The following OPCML variants were observed in gnomAD, a reference collection of about 807,000 sequenced individuals.
OPCML encodes the protein opioid-binding protein/cell adhesion molecule.
Under a neutral mutation model 37.8 loss-of-function variants are expected in OPCML, and 13 were observed. The ratio of observed to expected loss-of-function variants is 0.34; its 90% CI spans 0.22 to 0.55. The LOEUF (loss-of-function observed/expected upper bound fraction) is 0.55. Among genes scored for constraint, OPCML ranks in the 20% least tolerant of loss-of-function variants. The probability of loss-of-function intolerance (pLI) is 0.91; values close to 1 mark genes in which losing one functional copy is unlikely to be tolerated. For synonymous variants in OPCML, 176 were observed against 168.8 expected, an observed-to-expected ratio of 1.04 and a Z score of -0.33; for missense variants, 341 against 435.6, an observed-to-expected ratio of 0.78 and a Z score of 1.93.
rs571475463 is a variant in OPCML at position 133,287,126 on chromosome 11, TG to T, written c.61+245137del. Among the ~76,000 whole-genome samples the T allele has an allele frequency of 1.5e-3, 230 of 152,304 alleles. 2 individuals are homozygous for T. Among genetic ancestry groups the T allele is most frequent in the African/African-American group, 5.3e-3 (219 of 41,564 alleles). ...CTGCAGAAATGTAATATCAACCATA[TG>T]GCTCATTTTTTTGCCATACATATAA... On this transcript the variant is annotated intron_variant, in intron 1 of 7. Coordinates refer to ENST00000524381, the MANE Select transcript of OPCML (RefSeq NM_001012393.5).
intron 4 of OPCML, among the ~76,000 whole-genome samples, chr11:132,504,762 G>T (rs1054023287): frequency 6.6e-6 from 1 of 152,094 alleles, no homozygotes; most frequent in Admixed American, 6.6e-5. Flanking sequence ...TTATGACTTG[G>T]CTGGGGAGCC....
intron 1 of OPCML, among the ~76,000 whole-genome samples, chr11:133,419,866 G>A (rs1310726243): frequency 1.3e-5 from 2 of 152,168 alleles, no homozygotes; most frequent in Non-Finnish European, 2.9e-5. Context: ...ATCTAATTCA[G>A]CAAAGAAGTT....
At position 132,845,668 on chromosome 11, in the gene OPCML, G is replaced by A. The variant is rs748610921; in HGVS notation, c.146+97258C>T. Among the ~76,000 whole-genome samples, 110 of 152,054 alleles carry A rather than the reference G, an allele frequency of 7.2e-4. 1 individual carries two copies. Among genetic ancestry groups the A allele is most frequent in the Non-Finnish European group, 1.1e-3 (74 of 68,006 alleles). On this transcript the variant is annotated intron_variant, in intron 2 of 7. Transcript: ENST00000524381. ...CTGTCTCCCAGGTTTCTGTCTATTC[G>A]CATTCAACACAGCTTTCCTGAAACT... is the stretch of plus-strand genomic sequence containing the variant.
At chr11:133,475,308 C>T (rs1389768335) in intron 1 of OPCML, among the ~76,000 whole-genome samples, 2 of 151,902 alleles carry the variant, frequency 1.3e-5, no homozygotes, top group African/African-American at 4.8e-5. Context: ...GATGCAAATG[C>T]AACAAACAGT....
At chr11:133,425,592 T>G (rs1254311811) in intron 1 of OPCML, among the ~76,000 whole-genome samples, 1 of 152,176 alleles carries the variant, frequency 6.6e-6, no homozygotes, top group Non-Finnish European at 1.5e-5. Context: ...CTTCTATCCT[T>G]ACAACACCCA....
chr11:133,332,362 T>C (rs1943638120), intron 1 of OPCML, among the ~76,000 whole-genome samples: 1 of 152,160 alleles, frequency 6.6e-6, no homozygotes, highest in Non-Finnish European at 1.5e-5. Context: ...GAGAATGATG[T>C]CATCTGGAAC....
intron 1 of OPCML, among the ~76,000 whole-genome samples, chr11:133,272,424 T>C (rs555169997): frequency 2.0e-5 from 3 of 152,260 alleles, no homozygotes; most frequent in African/African-American, 7.2e-5. Flanking sequence ...CAAAGCACTA[T>C]ATTATGAGGC....
intron 3 of OPCML, among the ~76,000 whole-genome samples, chr11:132,593,997 C>A (rs2096488711): frequency 6.6e-6 from 1 of 152,120 alleles, no homozygotes. Flanking sequence ...TATGTCACTG[C>A]AAGCTTAGAA....
At chr11:132,539,493 T>C (rs901255128) in intron 3 of OPCML, among the ~76,000 whole-genome samples, 14 of 152,168 alleles carry the variant, frequency 9.2e-5, no homozygotes, top group Admixed American at 9.2e-4. Context: ...GGGCTATACA[T>C]TAAAATGTTT....
intron 2 of OPCML, among the ~76,000 whole-genome samples, chr11:132,692,231 GGA>G (rs1491533537): frequency 1.1e-5 from 1 of 88,802 alleles, no homozygotes; most frequent in Non-Finnish European, 2.6e-5. Context: ...TGATGCTACA[GGA>G]AAAAAAAAAA....
chr11:132,762,331 T>C (rs896855883), intron 2 of OPCML, among the ~76,000 whole-genome samples: 3 of 152,190 alleles, frequency 2.0e-5, no homozygotes, highest in African/African-American at 4.8e-5. Flanking sequence ...TAGCAGAGCC[T>C]GAGCCCTGTC....
At chr11:132,967,038 G>A (rs1946230682) in intron 1 of OPCML, among the ~76,000 whole-genome samples, 1 of 151,938 alleles carries the variant, frequency 6.6e-6, no homozygotes. Context: ...TACTAGTGAT[G>A]TACTTAGATT....
intron 1 of OPCML, among the ~76,000 whole-genome samples, chr11:132,945,523 G>GA (rs141754110): frequency 0.026 from 3,991 of 152,300 alleles, 169 homozygotes; most frequent in African/African-American, 0.092. Flanking sequence ...AGCGGGTGGG[G>GA]AATGGAGGCC....
intron 1 of OPCML, among the ~76,000 whole-genome samples, chr11:133,446,017 C>G (rs1946467339): frequency 1.3e-5 from 2 of 152,140 alleles, no homozygotes; most frequent in African/African-American, 4.8e-5. Context: ...CCGCCTACCT[C>G]CCTGGGATAG....
chr11:132,804,440 G>A (rs1035505699), intron 2 of OPCML, among the ~76,000 whole-genome samples: 8 of 152,162 alleles, frequency 5.3e-5, no homozygotes, highest in African/African-American at 1.9e-4. Context: ...GTGGCTGAGG[G>A]AGTCCCCCAC....
At position 133,004,118 on chromosome 11, in the gene OPCML, C is replaced by T. The variant is rs1050688052; in HGVS notation, c.62-61108G>A. On this transcript the variant is annotated intron_variant, in intron 1 of 7. Coordinates refer to ENST00000524381, the MANE Select transcript of OPCML (RefSeq NM_001012393.5). ...TTCTAGCTTGGAAGGAAGTTGGACA[C>T]CCACACATCTCAAAAGCGGGAGCAG... 1.0e-5 allele frequency: 10 copies of T among 985,234 alleles called. No individual in the cohort carries two copies. In the African/African-American group the frequency reaches 1.7e-4, roughly 17 times the overall value. The allele number at this position is 985,234 out of a possible 1,614,324, so 61.0% of individuals were successfully genotyped here.
chr11:133,255,326 T>C (rs1247630198), intron 1 of OPCML, among the ~76,000 whole-genome samples: 4 of 152,150 alleles, frequency 2.6e-5, no homozygotes, highest in Admixed American at 6.5e-5. Flanking sequence ...ATGGCACACA[T>C]AGGGAATATT....
intron 1 of OPCML, among the ~76,000 whole-genome samples, chr11:133,513,907 A>T (rs540207130): frequency 1.3e-5 from 2 of 152,228 alleles, no homozygotes; most frequent in African/African-American, 4.8e-5. Context: ...GTTGTCAGGA[A>T]CACAGCAGCA....
At chr11:132,847,046 T>C (rs903558281) in intron 2 of OPCML, among the ~76,000 whole-genome samples, 16 of 152,204 alleles carry the variant, frequency 1.1e-4, no homozygotes, top group African/African-American at 3.9e-4. Context: ...TGCTGTCTAA[T>C]GGGCAATAGA....
Sources: allele counts gnomAD v4.1 joint callset (sites outside exome capture counted in the v4.1 genomes callset), GRCh38; gene constraint gnomAD v4.1.1; transcripts MANE v1.5; gene names NCBI Gene and HGNC (gene_info 2026-07-23, HGNC 2026-07-21).